The following ITGB2 variants were observed in gnomAD, a reference collection of about 807,000 sequenced individuals.
ITGB2 encodes integrin subunit beta 2, also known as integrin beta-2.
In ITGB2, 56 loss-of-function variants were observed where a neutral mutation model predicts 86.8. That is an observed-to-expected ratio of 0.65 (90% CI 0.52 to 0.81). The LOEUF is 0.81. Among genes scored for constraint, ITGB2 ranks in the 30% least tolerant of loss-of-function variants. ITGB2 has a pLI of 0.00. For synonymous variants in ITGB2, 457 were observed against 450.4 expected, an observed-to-expected ratio of 1.01 and a Z score of -0.19; for missense variants, 948 against 1,061.2, an observed-to-expected ratio of 0.89 and a Z score of 1.48.
At chr21:44,888,612 C>T (rs2083732583) in intron 14 of ITGB2, 81 bp downstream of exon 14, 1 of 1,487,440 alleles carries the variant, frequency 6.7e-7, no homozygotes, top group Non-Finnish European at 9.2e-7. Context: ...TGAGATCCTC[C>T]TTCCGCACCA....
chr21:44,899,283 G>A, intron 7 of ITGB2, 121 bp from the exon 8 acceptor site: 1 of 765,168 alleles, frequency 1.3e-6, no homozygotes, highest in South Asian at 1.5e-5. Flanking sequence ...TCTGGGGAAG[G>A]CTGGAGAGGC....
chr21:44,924,920 G>A, upstream of ITGB2, among the ~76,000 whole-genome samples: 1 of 152,186 alleles, frequency 6.6e-6, no homozygotes, highest in East Asian at 1.9e-4. Context: ...CCTAGAGCAG[G>A]ACAGTGGTTA....
At chr21:44,923,763 G>GT (rs921814196), upstream of ITGB2, among the ~76,000 whole-genome samples, 1 of 152,138 alleles carries the variant, frequency 6.6e-6, no homozygotes, top group African/African-American at 2.4e-5. Context: ...ACTTCAAATG[G>GT]TTAAAATGGT....
Position 44,888,729 on chromosome 21 carries a change from T to G in ITGB2, c.2044A>C (p.Met682Leu). The change falls in exon 14 of 16, where the codon ATG (methionine) becomes CTG (leucine). Residue 682 changes from methionine to leucine, a missense_variant. Physicochemically the swap from Met to Leu is conservative, Grantham distance 15. Transcript: ENST00000652462. ...TCCACATAGATGAGGTAGCGGTCCATCCCGTCCTGCTGCTCCAGCGTGTAG... is the reference window on the plus strand; with the variant it reads ...TCCACATAGATGAGGTAGCGGTCCAGCCCGTCCTGCTGCTCCAGCGTGTAG... ...VAYTLEQQDG[M>L]DRYLIYVDES... 6.2e-7 allele frequency: 1 copy of G among 1,610,896 alleles called. No homozygotes were observed. The highest frequency in any genetic ancestry group is 8.5e-7 in the Non-Finnish European group (1 of 1,179,942).
chr21:44,886,203 GC>G lies in ITGB2; in HGVS notation c.*164del. 1 of 689,350 alleles carries G rather than the reference GC, an allele frequency of 1.5e-6. No homozygotes were observed. The highest frequency in any genetic ancestry group is 2.6e-6 in the Non-Finnish European group (1 of 380,378). 42.7% of individuals were successfully genotyped at this position (689,350 alleles called of 1,614,324 possible). A position where few individuals can be genotyped will look rare whatever the true frequency, so the allele number is the denominator to read the frequency against. On this transcript the variant is annotated 3_prime_UTR_variant, in exon 16 of 16. Transcript: ENST00000652462. ...CAGAGTGGAGCTGTCCCCCCGACGA[GC>G]CCCCAGAAGCACCCGGCCGGCCATG...
chr21:44,900,212 T>G, intron 7 of ITGB2, 108 bp downstream of exon 7: 1 of 1,434,500 alleles, frequency 7.0e-7, no homozygotes, highest in East Asian at 2.3e-5. Context: ...CTCAGGAATC[T>G]GCTCCTTGGG....
Position 44,926,135 on chromosome 21 carries a change from T to TA in ITGB2, c.-4+2518dup, listed in dbSNP as rs1280463621. Among the ~76,000 whole-genome samples the TA allele has an allele frequency of 6.0e-3, 907 of 150,638 alleles. 9 individuals are homozygous for TA. The highest frequency in any genetic ancestry group is 0.019 in the African/African-American group (768 of 40,802). On this transcript the variant is annotated intron_variant, in intron 1 of 15. Coordinates refer to the ITGB2 transcript ENST00000355153. The stretch of plus-strand genomic sequence containing the variant: ...ATATATATACAATAAATAAATAAAT[T>TA]AATTAATTAATTAAATAAAGGCTGG...
At chr21:44,920,498 C>A (rs910716971) in intron 1 of ITGB2, among the ~76,000 whole-genome samples, 1 of 152,146 alleles carries the variant, frequency 6.6e-6, no homozygotes, top group Non-Finnish European at 1.5e-5. Context: ...AGCACCAGGA[C>A]CCCCCAGCCG....
At chr21:44,890,366 G>T (rs2083769566) in intron 11 of ITGB2, 144 bp from the exon 12 acceptor site, 3 of 1,026,262 alleles carry the variant, frequency 2.9e-6, no homozygotes, top group Non-Finnish European at 4.3e-6. Context: ...CTGAGCACTT[G>T]CCACGGACTA....
At chr21:44,895,205 G>A in intron 8 of ITGB2, 145 bp from the exon 9 acceptor site, 2 of 709,310 alleles carry the variant, frequency 2.8e-6, no homozygotes, top group East Asian at 2.6e-5. Flanking sequence ...CCCAGAGTGT[G>A]TGGTCAGTGA....
In ITGB2 at chr21:44,889,475, C is replaced by G. The variant is rs747266748; in HGVS notation, c.1678G>C (p.Gly560Arg). The G allele has an allele frequency of 1.0e-4, 159 of 1,577,778 alleles. No homozygotes were observed. The highest frequency in any genetic ancestry group is 8.4e-4 in the Middle Eastern group (5 of 5,970). ...GGPGRGLCFC[G>R]KCRCHPGFEG... ...AAGCCCGGGTGGCAGCGGCACTTCC[C>G]GCAGAAGCAGAGCCCCCTCCCTGGA... Residue 560 changes from glycine to arginine, a missense_variant, in exon 13 of 16, where the codon GGG becomes CGG. Gly to Arg is a moderately radical substitution (Grantham distance 125). Coordinates refer to ENST00000652462, the MANE Select transcript of ITGB2 (RefSeq NM_000211.5).
At chr21:44,896,158 G>C (rs2083867822) in intron 8 of ITGB2, among the ~76,000 whole-genome samples, 1 of 152,208 alleles carries the variant, frequency 6.6e-6, no homozygotes, top group Non-Finnish European at 1.5e-5. Context: ...GATCCTGCCT[G>C]GTGGATTTCA....
At chr21:44,918,804 T>C (rs1200174184) in intron 1 of ITGB2, among the ~76,000 whole-genome samples, 10 of 151,960 alleles carry the variant, frequency 6.6e-5, no homozygotes, top group Admixed American at 1.3e-4. Context: ...GGCTCAGGAG[T>C]GTCCAGCTGC....
chr21:44,917,658 G>A (rs1444722695), intron 1 of ITGB2, among the ~76,000 whole-genome samples: 1 of 152,042 alleles, frequency 6.6e-6, no homozygotes, highest in Non-Finnish European at 1.5e-5. Context: ...CACGGCGCAG[G>A]GGCTGAGAGC....
At chr21:44,907,982 A>T in intron 3 of ITGB2, 1 of 705,220 alleles carries the variant, frequency 1.4e-6, no homozygotes, top group African/African-American at 1.8e-5. Context: ...ACAGAAACAA[A>T]CAAATCTCAC....
At chr21:44,894,012 G>C (rs914189671) in intron 9 of ITGB2, 2 of 274,892 alleles carry the variant, frequency 7.3e-6, no homozygotes, top group Non-Finnish European at 1.5e-5. Flanking sequence ...GACAGACAGA[G>C]AGAGACAGAG....
chr21:44,910,380 A>T lies in ITGB2; in HGVS notation c.59-8T>A, dbSNP rs953455503. The T allele has an allele frequency of 1.2e-6, 2 of 1,614,092 alleles. No homozygotes were observed. The highest frequency in any genetic ancestry group is 2.2e-5 in the South Asian group (2 of 91,086). ...TGCACTCCTGAGAGAGGACTGAGGG[A>T]CGAGGCCGGCTGGTGAGTGGGTGCT... On this transcript the variant is annotated splice_polypyrimidine_tract_variant and splice_region_variant and intron_variant, in intron 2 of 15. Transcript: ENST00000652462.
Position 44,888,888 on chromosome 21 carries a change from C to CG in ITGB2, c.1884dup (p.Ala629ArgfsTer63). 6.2e-7 allele frequency: 1 copy of CG among 1,604,820 alleles called. No individual in the cohort carries two copies. The highest frequency in any genetic ancestry group is 8.5e-7 in the Non-Finnish European group (1 of 1,179,846). ...CCCTTTTCGAACTTCAGGCACTCGG[C>CG]GCAGGAGCTGCGGGGAGCCAGGTGT... On this transcript the variant is annotated frameshift_variant, in exon 14 of 16. Coordinates refer to ENST00000652462, the MANE Select transcript of ITGB2 (RefSeq NM_000211.5). LOFTEE classifies it high-confidence loss of function.
rs766106686 is a variant in ITGB2 at position 44,888,805 on chromosome 21, G to A, written c.1968C>T (p.Pro656=). 122 of 1,611,788 alleles carry A rather than the reference G, an allele frequency of 7.6e-5. 1 individual carries two copies. The Middle Eastern group carries it at 8.2e-4, about 11-fold the overall frequency. Reference sequence around the variant, plus strand: ...TCTCCTTGCAGGTCCTGCCCTTCACGGGGTTGTTCGACAGCTGCAGGCCCG... The same window carrying A: ...TCTCCTTGCAGGTCCTGCCCTTCACAGGGTTGTTCGACAGCTGCAGGCCCG... The part of the protein sequence containing the change: ...ACPGLQLSNN[P]VKGRTCKERD... The change falls in exon 14 of 16, where the codon CCC becomes CCT. Residue 656 remains proline (P), a synonymous_variant. Coordinates refer to ENST00000652462, the MANE Select transcript of ITGB2 (RefSeq NM_000211.5).
Sources: gnomAD v4.1 joint callset for allele counts (sites outside exome capture counted in the v4.1 genomes callset) on GRCh38, gnomAD v4.1.1 for gene constraint, MANE v1.5 for transcripts, NCBI Gene and HGNC (gene_info 2026-07-23, HGNC 2026-07-21) for gene names.